CYRIA: variants seen among roughly 807,000 people sequenced by gnomAD.
CYRIA encodes the protein CYFIP related Rac1 interactor A, also known as CYFIP-related Rac1 interactor A.
A neutral mutation model predicts 43.9 loss-of-function variants in CYRIA; 15 were observed. The observed-to-expected ratio is 0.34, with a 90% CI of 0.23 to 0.53. The LOEUF is 0.53. CYRIA is among the 20% of genes least tolerant of loss of function. The pLI, the probability that CYRIA is intolerant of heterozygous loss-of-function variation, is 0.94. For synonymous variants in CYRIA, 117 were observed against 136.0 expected (o/e 0.86, Z 0.97); for missense variants, 236 against 394.2 (o/e 0.60, Z 3.40).
At chr2:16,555,885 A>G (rs1184040108) in intron 10 of CYRIA, among the ~76,000 whole-genome samples, 1 of 152,126 alleles carries the variant, frequency 6.6e-6, no homozygotes, top group Non-Finnish European at 1.5e-5. Flanking sequence ...ACAGATGCTA[A>G]ATGCCTGAGT....
intron 2 of CYRIA, among the ~76,000 whole-genome samples, chr2:16,604,203 GT>G (rs1572497574): frequency 6.6e-6 from 1 of 152,352 alleles, no homozygotes; most frequent in East Asian, 1.9e-4. Context: ...AAACAGTCCA[GT>G]TTTGGCTTTA....
intron 3 of CYRIA, among the ~76,000 whole-genome samples, chr2:16,584,869 T>A (rs1572480914): frequency 6.6e-6 from 1 of 152,176 alleles, no homozygotes; most frequent in African/African-American, 2.4e-5. Flanking sequence ...ACTTCTCCAA[T>A]TCCTTCCATG....
intron 2 of CYRIA, among the ~76,000 whole-genome samples, chr2:16,592,978 G>C (rs1367905599): frequency 6.6e-6 from 1 of 152,176 alleles, no homozygotes; most frequent in African/African-American, 2.4e-5. Flanking sequence ...TGTTACTCCA[G>C]AGCAAATCAT....
At position 16,563,978 on chromosome 2, in the gene CYRIA, T is replaced by C. The variant is rs766902745; in HGVS notation, c.298+11A>G. On this transcript the variant is annotated intron_variant, in intron 5 of 11. Coordinates refer to ENST00000381323, the MANE Select transcript of CYRIA (RefSeq NM_030797.4). ...GTATGTGGGCCATGAAAACTACAAA[T>C]ACATACTCACCTAGTCTAATGGAAA... 2 of 1,598,750 alleles carry C rather than the reference T, an allele frequency of 1.3e-6. No individual in the cohort carries two copies. The highest frequency in any genetic ancestry group is 1.1e-5 in the South Asian group (1 of 90,414).
intron 2 of CYRIA, among the ~76,000 whole-genome samples, chr2:16,616,488 G>A (rs919340439): frequency 8.5e-5 from 13 of 152,096 alleles, no homozygotes; most frequent in South Asian, 2.1e-4. Context: ...AGGACTCCTC[G>A]CTCAGAGGAC....
chr2:16,587,653 G>A (rs973193542), intron 3 of CYRIA, among the ~76,000 whole-genome samples: 1 of 152,096 alleles, frequency 6.6e-6, no homozygotes, highest in African/African-American at 2.4e-5. Flanking sequence ...CCCACTTGTT[G>A]TGGGAGGGAC....
chr2:16,607,531 A>G (rs191673138), intron 2 of CYRIA, among the ~76,000 whole-genome samples: 46 of 152,070 alleles, frequency 3.0e-4, no homozygotes, highest in African/African-American at 1.1e-3. Context: ...TACTCTGATC[A>G]CTCTGTACAT....
At chr2:16,619,040 C>A (rs564518505) in intron 2 of CYRIA, among the ~76,000 whole-genome samples, 27 of 152,290 alleles carry the variant, frequency 1.8e-4, no homozygotes, top group Non-Finnish European at 2.8e-4. Context: ...TGGGCTTTGG[C>A]CAAGCCATTT....
intron 2 of CYRIA, among the ~76,000 whole-genome samples, chr2:16,620,926 G>A (rs1050225291): frequency 2.6e-5 from 4 of 152,176 alleles, no homozygotes; most frequent in Middle Eastern, 3.2e-3. Context: ...CTCCAGGACT[G>A]AGTGCAGACA....
intron 5 of CYRIA, among the ~76,000 whole-genome samples, chr2:16,563,348 G>A (rs1345106908): frequency 6.6e-6 from 1 of 152,074 alleles, no homozygotes; most frequent in Non-Finnish European, 1.5e-5. Flanking sequence ...GGTATTTCAA[G>A]TTCTCTGTTT....
intron 1 of CYRIA, among the ~76,000 whole-genome samples, chr2:16,663,861 A>G (rs983082895): frequency 1.3e-5 from 2 of 152,098 alleles, no homozygotes; most frequent in African/African-American, 4.8e-5. Context: ...AGCTGGACTA[A>G]GGAAGTCCCT....
chr2:16,663,575 G>T (rs1670319054), intron 1 of CYRIA, among the ~76,000 whole-genome samples: 1 of 151,740 alleles, frequency 6.6e-6, no homozygotes, highest in South Asian at 2.1e-4. Context: ...GCCCAGGGCT[G>T]GCTTGGGAGG....
intron 2 of CYRIA, among the ~76,000 whole-genome samples, chr2:16,592,034 G>T (rs1667950264): frequency 6.6e-6 from 1 of 151,994 alleles, no homozygotes; most frequent in Non-Finnish European, 1.5e-5. Context: ...TGTGGGGAGG[G>T]TCTGGTAGAG....
At chr2:16,589,322 G>A (rs747385674) in intron 2 of CYRIA, among the ~76,000 whole-genome samples, 1 of 152,118 alleles carries the variant, frequency 6.6e-6, no homozygotes, top group Non-Finnish European at 1.5e-5. Flanking sequence ...AGCAAGATGT[G>A]GCGAGAGAAG....
intron 1 of CYRIA, among the ~76,000 whole-genome samples, chr2:16,644,864 C>T (rs1051163055): frequency 2.6e-5 from 4 of 152,110 alleles, no homozygotes; most frequent in African/African-American, 7.2e-5. Context: ...CCCCACCAAC[C>T]CCCCACACAC....
chr2:16,598,853 C>A (rs1323306320), intron 2 of CYRIA, among the ~76,000 whole-genome samples: 2 of 124,808 alleles, frequency 1.6e-5, no homozygotes, highest in African/African-American at 7.6e-5. Flanking sequence ...TTTTCCCCAT[C>A]TTTGTGGTTA....
intron 2 of CYRIA, among the ~76,000 whole-genome samples, chr2:16,609,263 A>G (rs961413425): frequency 1.3e-5 from 2 of 152,172 alleles, no homozygotes; most frequent in African/African-American, 2.4e-5. Context: ...GATACCGGGG[A>G]TAAAGCACAC....
intron 10 of CYRIA, among the ~76,000 whole-genome samples, chr2:16,558,968 A>G (rs1444196122): frequency 6.6e-6 from 1 of 152,168 alleles, no homozygotes; most frequent in African/African-American, 2.4e-5. Flanking sequence ...TCTCTCGGCA[A>G]GAGAAAGGAC....
chr2:16,602,721 C>T (rs1437974310), intron 2 of CYRIA, among the ~76,000 whole-genome samples: 1 of 152,130 alleles, frequency 6.6e-6, no homozygotes, highest in East Asian at 1.9e-4. Flanking sequence ...ATCCACAGCA[C>T]ATTAGGGTCA....
Sources: gnomAD v4.1 joint callset for allele counts (sites outside exome capture counted in the v4.1 genomes callset) on GRCh38, gnomAD v4.1.1 for gene constraint, MANE v1.5 for transcripts, NCBI Gene and HGNC (gene_info 2026-07-23, HGNC 2026-07-21) for gene names.